Variants in ROCK2 observed in about 807,000 individuals in gnomAD.
ROCK2 encodes rho-associated protein kinase 2.
A neutral mutation model predicts 195.1 loss-of-function variants in ROCK2; 61 were observed. That is an observed-to-expected ratio of 0.31 (90% CI 0.25 to 0.39). The LOEUF is 0.39. Ranked by LOEUF, ROCK2 falls within the 10% of genes least tolerant of loss-of-function variation. ROCK2 has a pLI of 1.00. For missense variants in ROCK2, 1,109 were observed against 1,637.4 expected (o/e 0.68, Z 5.57); for synonymous variants, 504 against 545.5 (o/e 0.92, Z 1.06).
intron 1 of ROCK2, among the ~76,000 whole-genome samples, chr2:11,337,082 T>C (rs1395625892): frequency 2.0e-5 from 3 of 151,716 alleles, no homozygotes; most frequent in African/African-American, 7.3e-5. Flanking sequence ...GTCTCTACTA[T>C]AAAAATACAA....
At chr2:11,206,175 C>G (rs767431208) in intron 20 of ROCK2, among the ~76,000 whole-genome samples, 1 of 151,936 alleles carries the variant, frequency 6.6e-6, no homozygotes, top group Non-Finnish European at 1.5e-5. Flanking sequence ...AATTTTAACC[C>G]TACAATGAAC....
At chr2:11,308,906 T>A (rs563758220) in intron 1 of ROCK2, 2 of 1,612,026 alleles carry the variant, frequency 1.2e-6, no homozygotes, top group African/African-American at 2.7e-5. Flanking sequence ...GAAACCACTT[T>A]ATCTTCATCT....
At chr2:11,282,208 AGGAGTGGT>A (rs1368490257) in intron 3 of ROCK2, among the ~76,000 whole-genome samples, 26 of 152,004 alleles carry the variant, frequency 1.7e-4, no homozygotes, top group Admixed American at 1.4e-3. Context: ...AAAATTAGCC[AGGAGTGGT>A]GGCACACGCT....
chr2:11,201,565 T>C lies in ROCK2; in HGVS notation c.2620-152A>G, dbSNP rs1393288423. On this transcript the variant is annotated intron_variant, in intron 21 of 32. Transcript: ENST00000315872. The surrounding 1 kb of genome is among the most constrained non-coding windows in gnomAD (Gnocchi z 4.6). ...AAATGAATAGTTTAATGAACTTTCC[T>C]ATTTCTAGTCATCAATTAACTAATA... 1.7e-5 allele frequency: 10 copies of C among 594,728 alleles called. No individual in the cohort carries two copies. The East Asian group carries it at 2.2e-4, about 13-fold the overall frequency. The allele number at this position is 594,728 out of a possible 1,614,324, so 36.8% of individuals were successfully genotyped here. A position where few individuals can be genotyped will look rare whatever the true frequency, so the allele number is the denominator to read the frequency against.
chr2:11,261,763 T>C (rs1666235854), intron 3 of ROCK2, among the ~76,000 whole-genome samples: 1 of 152,098 alleles, frequency 6.6e-6, no homozygotes, highest in Admixed American at 6.6e-5. Context: ...AGACGGAGGA[T>C]GCAGTGATCC....
intron 32 of ROCK2, among the ~76,000 whole-genome samples, chr2:11,189,282 T>C (rs1438519862): frequency 2.6e-5 from 4 of 152,204 alleles, no homozygotes; most frequent in African/African-American, 9.6e-5. Context: ...AACAGCTAGA[T>C]GTTAGATCAC....
intron 3 of ROCK2, among the ~76,000 whole-genome samples, chr2:11,266,189 C>T (rs1031256621): frequency 1.3e-5 from 2 of 152,190 alleles, no homozygotes; most frequent in African/African-American, 4.8e-5. Context: ...TGGAATCCCT[C>T]CTGAGGGACC....
At chr2:11,270,982 G>A (rs1477795294) in intron 3 of ROCK2, among the ~76,000 whole-genome samples, 4 of 151,566 alleles carry the variant, frequency 2.6e-5, no homozygotes, top group South Asian at 2.1e-4. Flanking sequence ...GTGAGGCAAT[G>A]TTTCCTATAG....
At position 11,217,287 on chromosome 2, in the gene ROCK2, T is replaced by C. The variant is rs531263915; in HGVS notation, c.1333-118A>G. 261 of 741,026 alleles carry C rather than the reference T, an allele frequency of 3.5e-4. 1 individual carries two copies. Among genetic ancestry groups the C allele is most frequent in the South Asian group, 3.1e-3 (224 of 72,172 alleles). 45.9% of individuals were successfully genotyped at this position (741,026 alleles called of 1,614,324 possible). ...CCACTAAACATAATGTCCTCTATAA[T>C]GGTACAGTATTTGTACCTCCTTAAT... On this transcript the variant is annotated intron_variant, in intron 11 of 32. Coordinates refer to ENST00000315872, the MANE Select transcript of ROCK2 (RefSeq NM_004850.5).
chr2:11,259,423 A>G (rs6432184), intron 3 of ROCK2, among the ~76,000 whole-genome samples: 126,190 of 151,050 alleles, frequency 0.84, 53,819 homozygotes, highest in East Asian at 0.94. Context: ...GGAAGCTACC[A>G]ATTAAGTGTA....
chr2:11,256,449 C>T (rs1461910863), intron 3 of ROCK2, among the ~76,000 whole-genome samples: 11 of 151,392 alleles, frequency 7.3e-5, no homozygotes, highest in Admixed American at 6.6e-4. Context: ...GAGGCCTGCC[C>T]AGCCACGCTT....
At position 11,286,773 on chromosome 2, in the gene ROCK2, G is replaced by C. The variant is rs551431282; in HGVS notation, c.224-134C>G. The C allele has an allele frequency of 2.1e-5, 11 of 530,178 alleles. No homozygotes were observed. The East Asian group carries it at 3.5e-4, about 17-fold the overall frequency. 32.8% of individuals were successfully genotyped at this position (530,178 alleles called of 1,614,324 possible). ...ACTTGCCAGTTTTTAAAGGCTGTTAGTTAAAAATCTAAGATATACATTAAC... is the reference window on the plus strand; with the variant it reads ...ACTTGCCAGTTTTTAAAGGCTGTTACTTAAAAATCTAAGATATACATTAAC... On this transcript the variant is annotated intron_variant, in intron 2 of 32. Transcript: ENST00000315872.
chr2:11,323,744 T>C (rs1668466123), intron 1 of ROCK2, among the ~76,000 whole-genome samples: 1 of 152,128 alleles, frequency 6.6e-6, no homozygotes, highest in African/African-American at 2.4e-5. Flanking sequence ...ATGTCCCACA[T>C]ACCCCTCACC....
At chr2:11,275,983 A>G (rs1224064665) in intron 3 of ROCK2, among the ~76,000 whole-genome samples, 4 of 152,166 alleles carry the variant, frequency 2.6e-5, no homozygotes, top group Non-Finnish European at 5.9e-5. Flanking sequence ...TATAGGCGTG[A>G]GCCACCGTGC....
At chr2:11,340,108 T>C (rs1461133937) in intron 1 of ROCK2, among the ~76,000 whole-genome samples, 1 of 152,212 alleles carries the variant, frequency 6.6e-6, no homozygotes, top group African/African-American at 2.4e-5. Context: ...TTACTTAGTC[T>C]ACATTGGCCT....
chr2:11,242,003 T>C (rs866098809), intron 4 of ROCK2, among the ~76,000 whole-genome samples: 5 of 152,156 alleles, frequency 3.3e-5, no homozygotes, highest in Admixed American at 1.3e-4. Context: ...TTCACCCCCT[T>C]CTACTGTGTG....
chr2:11,274,757 A>G (rs1303686022), intron 3 of ROCK2, among the ~76,000 whole-genome samples: 1 of 152,198 alleles, frequency 6.6e-6, no homozygotes, highest in Non-Finnish European at 1.5e-5. Flanking sequence ...AACTCATTCT[A>G]TGAGGCCAGC....
Position 11,182,024 on chromosome 2 carries a change from A to T in ROCK2, c.*1413T>A, listed in dbSNP as rs1270414571. 1 of 148,790 alleles carries T rather than the reference A, an allele frequency of 6.7e-6. No individual in the cohort carries two copies. Among genetic ancestry groups the T allele is most frequent in the Admixed American group, 6.7e-5 (1 of 14,890 alleles). The allele number at this position is 148,790 out of a possible 1,614,324, so 9.2% of individuals were successfully genotyped here. A position where few individuals can be genotyped will look rare whatever the true frequency, so the allele number is the denominator to read the frequency against. On this transcript the variant is annotated 3_prime_UTR_variant, in exon 33 of 33. Coordinates refer to ENST00000315872, the MANE Select transcript of ROCK2 (RefSeq NM_004850.5). The stretch of plus-strand genomic sequence containing the variant: ...TCATAATATAAAAAAAAACAAAAAC[A>T]AAAAAAAAACTTTACGCTTACCATT...
intron 1 of ROCK2, among the ~76,000 whole-genome samples, chr2:11,320,199 A>G (rs6755196): frequency 0.81 from 123,069 of 152,194 alleles, 51,356 homozygotes; most frequent in East Asian, 0.99. Flanking sequence ...ATCACACACA[A>G]CAACAAAACT....
Sources: allele counts gnomAD v4.1 joint callset (sites outside exome capture counted in the v4.1 genomes callset), GRCh38; gene constraint gnomAD v4.1.1; non-coding constraint Gnocchi (gnomAD v3.1); transcripts MANE v1.5; gene names NCBI Gene and HGNC (gene_info 2026-07-23, HGNC 2026-07-21).